The following TMEM182 variants were observed in gnomAD, a reference collection of about 807,000 sequenced individuals.
TMEM182 encodes transmembrane protein 182.
In TMEM182, 20 loss-of-function variants were observed where a neutral mutation model predicts 26.8. That is an observed-to-expected ratio of 0.75 (90% confidence interval 0.53 to 1.09). The LOEUF (loss-of-function observed/expected upper bound fraction) is 1.09. Among genes scored for constraint, TMEM182 ranks in the 50% least tolerant of loss-of-function variants. The pLI, the probability that TMEM182 is intolerant of heterozygous loss-of-function variation, is 0.00. For synonymous variants in TMEM182, 109 were observed against 102.2 expected, an observed-to-expected ratio of 1.07 and a Z score of -0.40; for missense variants, 277 against 275.5, an observed-to-expected ratio of 1.01 and a Z score of -0.04.
upstream of TMEM182, chr2:102,758,450 AAG>A (rs1347647807): frequency 2.9e-5 from 21 of 716,668 alleles, no homozygotes; most frequent in Non-Finnish European, 4.9e-5. Context: ...CTGAAGAAAA[AAG>A]ACACCTTTTA....
At chr2:102,775,129 G>A (rs1448712245) in intron 3 of TMEM182, 3 of 152,064 alleles carry the variant, frequency 2.0e-5, no homozygotes, top group African/African-American at 7.3e-5. Flanking sequence ...TGTTTATTTA[G>A]GTCTTCTTTG....
chr2:102,795,213 T>G (rs1000322408), intron 3 of TMEM182, among the ~76,000 whole-genome samples: 1 of 152,182 alleles, frequency 6.6e-6, no homozygotes, highest in African/African-American at 2.4e-5. Context: ...AGAAAATGGT[T>G]CTAATAACTA....
rs537617961 is a variant in TMEM182, at chr2:102,838,879, C to T, written c.326-4533C>T. Among the ~76,000 whole-genome samples, 11 of 152,152 alleles carry T rather than the reference C, an allele frequency of 7.2e-5. No homozygotes were observed. In the East Asian group the frequency reaches 1.4e-3, roughly 19 times the overall value. On this transcript the variant is annotated intron_variant, in intron 3 of 3. Coordinates refer to the TMEM182 transcript ENST00000486293. Reference sequence around the variant, plus strand: ...AGAGAATGAATTTGAGATACACTGTCGCTGTGAAAAATAAAGGAATGAGAG... The same window carrying T: ...AGAGAATGAATTTGAGATACACTGTTGCTGTGAAAAATAAAGGAATGAGAG...
In TMEM182 at chr2:102,762,122, C is replaced by A. The variant is rs908794752; in HGVS notation, c.-96C>A. The A allele has an allele frequency of 2.6e-5, 19 of 736,604 alleles. No individual in the cohort carries two copies. The highest frequency in any genetic ancestry group is 6.4e-5 in the Admixed American group (2 of 31,024). 45.6% of individuals were successfully genotyped at this position (736,604 alleles called of 1,614,324 possible). On this transcript the variant is annotated 5_prime_UTR_variant, in exon 1 of 5. Transcript: ENST00000412401. ...ATTCTGCCAACTCAAAAATATTATT[C>A]TTTTTTTTTTTTTTTTGCTGTTGTT...
At chr2:102,790,688 T>G (rs926916239) in intron 3 of TMEM182, among the ~76,000 whole-genome samples, 1 of 152,182 alleles carries the variant, frequency 6.6e-6, no homozygotes, top group Non-Finnish European at 1.5e-5. Context: ...AACAGACATT[T>G]CCCTGTACTG....
At chr2:102,813,130 A>G (rs1381710015) in intron 4 of TMEM182, among the ~76,000 whole-genome samples, 2 of 152,186 alleles carry the variant, frequency 1.3e-5, no homozygotes, top group African/African-American at 4.8e-5. Flanking sequence ...CGAAGCATCT[A>G]TTTGATTCTT....
At chr2:102,819,250 A>G (rs1470362788), downstream of TMEM182, among the ~76,000 whole-genome samples, 1 of 152,218 alleles carries the variant, frequency 6.6e-6, no homozygotes, top group African/African-American at 2.4e-5. Context: ...AAAACGACCT[A>G]AATGAACAGA....
chr2:102,785,532 G>A (rs2104704167), intron 3 of TMEM182, among the ~76,000 whole-genome samples: 1 of 152,248 alleles, frequency 6.6e-6, no homozygotes, highest in Middle Eastern at 3.4e-3. Context: ...GCTGATACAA[G>A]GTAGATTTTC....
intron 3 of TMEM182, among the ~76,000 whole-genome samples, chr2:102,777,124 T>C (rs927131397): frequency 6.6e-6 from 1 of 152,138 alleles, no homozygotes; most frequent in African/African-American, 2.4e-5. Context: ...AACAGTGTCG[T>C]TCACAGAGCA....
chr2:102,762,807 C>A, intron 2 of TMEM182, 121 bp downstream of exon 2: 1 of 700,406 alleles, frequency 1.4e-6, no homozygotes, highest in Non-Finnish European at 2.3e-6. Context: ...AATTAGATGT[C>A]TTTAAAAGGT....
intron 3 of TMEM182, among the ~76,000 whole-genome samples, chr2:102,792,329 A>G (rs1214332268): frequency 6.6e-6 from 1 of 152,200 alleles, no homozygotes; most frequent in Non-Finnish European, 1.5e-5. Context: ...CATATATTAT[A>G]TCAATTAATC....
chr2:102,753,662 T>G (rs1318251790), intron 1 of TMEM182, among the ~76,000 whole-genome samples: 2 of 152,182 alleles, frequency 1.3e-5, no homozygotes, highest in African/African-American at 4.8e-5. Flanking sequence ...TAAACCACCA[T>G]GCTCAGCCAG....
intron 3 of TMEM182, among the ~76,000 whole-genome samples, chr2:102,768,095 G>T (rs1274599616): frequency 6.6e-6 from 1 of 152,156 alleles, no homozygotes; most frequent in Non-Finnish European, 1.5e-5. Context: ...ACTGGGCCAT[G>T]CTCTCCTTTA....
intron 3 of TMEM182, among the ~76,000 whole-genome samples, chr2:102,770,626 A>G (rs983887108): frequency 6.6e-6 from 1 of 152,188 alleles, no homozygotes; most frequent in Admixed American, 6.5e-5. Flanking sequence ...GTTAGACAGC[A>G]GTGATCTCAC....
In TMEM182 at chr2:102,843,474, G is replaced by T. The variant is rs1683393839; in HGVS notation, c.388G>T (p.Glu130Ter). 6.6e-6 allele frequency: 1 copy of T among 152,168 alleles called. No homozygotes were observed. Among genetic ancestry groups the T allele is most frequent in the African/African-American group, 2.4e-5 (1 of 41,440 alleles). 9.4% of individuals were successfully genotyped at this position (152,168 alleles called of 1,614,324 possible). ...GTCCTTATTGTCCCAGCCTCTGCGT[G>T]AAACGTCTTCAGCCATCAATGACAT... Residue 130 changes from glutamate to a stop codon, truncating the protein, a stop_gained, in exon 4 of 4, where the codon GAA becomes TAA. Coordinates refer to the TMEM182 transcript ENST00000486293. LOFTEE classifies it low-confidence loss of function (END_TRUNC).
At chr2:102,826,301 CTTTT>C (rs375776814) in intron 3 of TMEM182, among the ~76,000 whole-genome samples, 4 of 120,044 alleles carry the variant, frequency 3.3e-5, no homozygotes, top group African/African-American at 6.2e-5. Context: ...CTGCAGCTGG[CTTTT>C]TTTTTTTTTT....
rs907029149 is a variant in TMEM182 at position 102,816,413 on chromosome 2, T to A, written c.*1445T>A. On this transcript the variant is annotated 3_prime_UTR_variant, in exon 5 of 5. Transcript: ENST00000412401. ...AGGTGATCCCAGTCTTCTCTGTACA[T>A]CTTGTGCTTTTCCATTAAGACTTGT... 1.0e-6 allele frequency: 1 copy of A among 985,118 alleles called. No homozygotes were observed. Among genetic ancestry groups the A allele is most frequent in the Admixed American group, 6.2e-5 (1 of 16,242 alleles). The allele number at this position is 985,118 out of a possible 1,614,324, so 61.0% of individuals were successfully genotyped here.
At chr2:102,778,709 T>C (rs918198934) in intron 3 of TMEM182, among the ~76,000 whole-genome samples, 5 of 138,416 alleles carry the variant, frequency 3.6e-5, no homozygotes, top group Admixed American at 2.9e-4. Flanking sequence ...TACATGTTAT[T>C]ATGGTCTATC....
rs1245997725 is a variant in TMEM182, at chr2:102,797,885, C to T, written c.354C>T (p.Val118=). ...SAVIYRGFWA[V]LMLLGVVAVV... is the part of the protein sequence containing the mutation. Reference sequence around the variant, plus strand: ...CAGTTTACCGTGGTTTCTGGGCAGTCCTGATGCTCCTGGGGGTAGTTGCTG... The same window carrying T: ...CAGTTTACCGTGGTTTCTGGGCAGTTCTGATGCTCCTGGGGGTAGTTGCTG... Residue 118 remains valine, a synonymous_variant, in exon 4 of 5, where the codon GTC becomes GTT. Coordinates refer to ENST00000412401, the MANE Select transcript of TMEM182 (RefSeq NM_144632.5). 4.7e-5 allele frequency: 76 copies of T among 1,613,810 alleles called. No individual in the cohort carries two copies. The highest frequency in any genetic ancestry group is 6.2e-5 in the Non-Finnish European group (73 of 1,179,946).
Sources: gnomAD v4.1 joint callset for allele counts (sites outside exome capture counted in the v4.1 genomes callset) on GRCh38, gnomAD v4.1.1 for gene constraint, MANE v1.5 for transcripts, NCBI Gene and HGNC (gene_info 2026-07-23, HGNC 2026-07-21) for gene names.